The following FREM2 variants were observed in gnomAD, a reference collection of about 807,000 sequenced individuals.
FREM2 encodes the protein FRAS1-related extracellular matrix protein 2.
In FREM2, 119 loss-of-function variants were observed where a neutral mutation model predicts 219.9. The observed-to-expected ratio is 0.54, with a 90% CI of 0.47 to 0.63. The LOEUF (loss-of-function observed/expected upper bound fraction) is 0.63. FREM2 is among the 30% of genes least tolerant of loss of function. The pLI, the probability that FREM2 is intolerant of heterozygous loss-of-function variation, is 0.00. For synonymous variants in FREM2, 1,562 were observed against 1,522.8 expected (o/e 1.03, Z -0.60); for missense variants, 4,030 against 3,993.6 (o/e 1.01, Z -0.25).
intron 2 of FREM2, among the ~76,000 whole-genome samples, chr13:38,738,481 G>A (rs191845686): frequency 2.8e-5 from 4 of 144,432 alleles, no homozygotes; most frequent in Non-Finnish European, 4.5e-5. Flanking sequence ...CAGGAGAATC[G>A]CATGAACCTG....
At chr13:38,770,247 ACGGTCTTGCTATG>A (rs1484466481) in intron 4 of FREM2, among the ~76,000 whole-genome samples, 1 of 150,304 alleles carries the variant, frequency 6.7e-6, no homozygotes, top group Admixed American at 6.6e-5. Context: ...TTGTAAAGAC[ACGGTCTTGCTATG>A]CTGCCCAGGC....
intron 12 of FREM2, among the ~76,000 whole-genome samples, chr13:38,856,474 G>A (rs868492771): frequency 1.3e-5 from 2 of 152,122 alleles, no homozygotes; most frequent in Middle Eastern, 3.4e-3. Flanking sequence ...CATGTTTGTC[G>A]AAACTCAAGG....
chr13:38,871,476 A>G (rs897951859), intron 16 of FREM2, among the ~76,000 whole-genome samples: 1 of 152,106 alleles, frequency 6.6e-6, no homozygotes, highest in Non-Finnish European at 1.5e-5. Context: ...GTGCAGAGCT[A>G]TTTTGAGAAT....
chr13:38,778,112 C>A (rs1020935972), intron 4 of FREM2, among the ~76,000 whole-genome samples: 1 of 152,180 alleles, frequency 6.6e-6, no homozygotes, highest in African/African-American at 2.4e-5. Flanking sequence ...CATACATGGA[C>A]CACTTCTGAA....
rs568390166 is a variant in FREM2, at chr13:38,706,519, A to G, written c.5263+8732A>G. On this transcript the variant is annotated intron_variant, in intron 2 of 23. Coordinates refer to ENST00000280481, the MANE Select transcript of FREM2 (RefSeq NM_207361.6). The stretch of plus-strand genomic sequence containing the variant: ...GGCATTAAGGAACTTGAAATTCCTT[A>G]CTGGGGTCATTGGAAAATGAGTGTT... Among the ~76,000 whole-genome samples, 66 of 151,838 alleles carry G rather than the reference A, an allele frequency of 4.3e-4. 1 individual carries two copies. In the Middle Eastern group the frequency reaches 0.01, roughly 23 times the overall value.
At chr13:38,733,996 T>A (rs1871875784) in intron 2 of FREM2, among the ~76,000 whole-genome samples, 1 of 152,056 alleles carries the variant, frequency 6.6e-6, no homozygotes, top group South Asian at 2.1e-4. Flanking sequence ...AAACAAATAT[T>A]TAGAAAGCCC....
intron 2 of FREM2, among the ~76,000 whole-genome samples, chr13:38,704,251 T>C (rs987550286): frequency 6.6e-6 from 1 of 152,212 alleles, no homozygotes; most frequent in Non-Finnish European, 1.5e-5. Context: ...AGGTGTCCAT[T>C]GGGGTCTGAG....
chr13:38,687,165 C>A lies in FREM2; in HGVS notation c.-180C>A, dbSNP rs1869487756. On this transcript the variant is annotated 5_prime_UTR_variant, in exon 1 of 24. Coordinates refer to ENST00000280481, the MANE Select transcript of FREM2 (RefSeq NM_207361.6). The stretch of plus-strand genomic sequence containing the variant: ...GAAGGCTTCGGCTCCTCGGCTGCGG[C>A]TCCAGCCCGGACGGCGCCGCGCAAC... 1.2e-6 allele frequency: 1 copy of A among 829,572 alleles called. No homozygotes were observed. The highest frequency in any genetic ancestry group is 1.7e-5 in the South Asian group (1 of 57,486). The allele number at this position is 829,572 out of a possible 1,614,324, so 51.4% of individuals were successfully genotyped here. A position where few individuals can be genotyped will look rare whatever the true frequency, so the allele number is the denominator to read the frequency against.
chr13:38,750,427 T>C (rs1297802960), intron 2 of FREM2, among the ~76,000 whole-genome samples: 1 of 147,244 alleles, frequency 6.8e-6, no homozygotes, highest in Non-Finnish European at 1.5e-5. Flanking sequence ...CGACTTCCAG[T>C]ACCAACCATA....
chr13:38,777,541 C>T (rs970018918), intron 4 of FREM2, among the ~76,000 whole-genome samples: 2 of 152,090 alleles, frequency 1.3e-5, no homozygotes, highest in African/African-American at 4.8e-5. Flanking sequence ...TAATTCTTAC[C>T]TCAAAGGTTG....
intron 6 of FREM2, among the ~76,000 whole-genome samples, chr13:38,814,470 G>T (rs1189525742): frequency 6.6e-6 from 1 of 152,184 alleles, no homozygotes; most frequent in African/African-American, 2.4e-5. Context: ...ACAAGGCAGA[G>T]GCTCTTGTTC....
intron 2 of FREM2, among the ~76,000 whole-genome samples, chr13:38,731,728 G>A (rs529233213): frequency 2.8e-4 from 43 of 152,266 alleles, no homozygotes; most frequent in African/African-American, 1.0e-3. Context: ...TGAACAGACA[G>A]GCAGGCCTGT....
Position 38,880,360 on chromosome 13 carries a change from G to A in FREM2, c.9083G>A (p.Gly3028Asp), listed in dbSNP as rs1878495799. ...AAAGACAATGCCAATCGAGGTATTG[G>A]CAAAAGAAGTGTGGAGTACCATTCT... ...RSKDNANRGI[G>D]KRSVEYHSLV... The change falls in exon 24 of 24, where the codon GGC becomes GAC. Residue 3028 changes from glycine (G) to aspartate (D), a missense_variant. Around this residue, in one of 2 missense-constraint regions of FREM2, gnomAD observed 928 missense variants for 1,042.9 expected, o/e 0.89. Coordinates refer to ENST00000280481, the MANE Select transcript of FREM2 (RefSeq NM_207361.6). The A allele has an allele frequency of 6.2e-7, 1 of 1,613,942 alleles. No individual in the cohort carries two copies. Among genetic ancestry groups the A allele is most frequent in the African/African-American group, 1.3e-5 (1 of 74,892 alleles).
chr13:38,846,499 T>C (rs1277048065), intron 6 of FREM2, 74 bp from the exon 7 acceptor site: 9 of 1,495,136 alleles, frequency 6.0e-6, no homozygotes, highest in Non-Finnish European at 8.3e-6. Context: ...ACACTCTTCT[T>C]TGGAAGCATG....
chr13:38,818,976 T>G (rs1425461933), intron 6 of FREM2, among the ~76,000 whole-genome samples: 1 of 152,100 alleles, frequency 6.6e-6, no homozygotes, highest in African/African-American at 2.4e-5. Flanking sequence ...CTAACTACCC[T>G]TATTGTGTCA....
intron 6 of FREM2, among the ~76,000 whole-genome samples, chr13:38,824,563 A>G (rs1325050623): frequency 6.6e-6 from 1 of 152,044 alleles, no homozygotes; most frequent in Non-Finnish European, 1.5e-5. Flanking sequence ...TGAGGGAAAC[A>G]GTGGGAGTGG....
At position 38,872,911 on chromosome 13, in the gene FREM2, G is replaced by A. The variant is rs1451652002; in HGVS notation, c.8153G>A (p.Ser2718Asn). 6.2e-7 allele frequency: 1 copy of A among 1,613,816 alleles called. No homozygotes were observed. The part of the protein sequence containing the change: ...TAILWNDGIG[S>N]PPEAELQGSL... ...ATCTTGTGGAATGATGGAATTGGCA[G>A]CCCCCCAGAGGCTGAACTTCAAGGT... Residue 2718 changes from serine to asparagine, a missense_variant, in exon 17 of 24, where the codon AGC becomes AAC. Ser to Asn is a conservative substitution (Grantham distance 46). Around this residue, in one of 2 missense-constraint regions of FREM2, gnomAD observed 928 missense variants for 1,042.9 expected, o/e 0.89. Coordinates refer to ENST00000280481, the MANE Select transcript of FREM2 (RefSeq NM_207361.6).
At chr13:38,803,976 A>G (rs1209804244) in intron 6 of FREM2, among the ~76,000 whole-genome samples, 1 of 152,016 alleles carries the variant, frequency 6.6e-6, no homozygotes, top group Non-Finnish European at 1.5e-5. Context: ...CCTAATCACC[A>G]TCTGTTTTTG....
chr13:38,779,527 TG>T (rs1166603142), intron 4 of FREM2: 1 of 151,998 alleles, frequency 6.6e-6, no homozygotes, highest in Non-Finnish European at 1.5e-5. Flanking sequence ...GCTGCCTGAG[TG>T]ATGGTGAGGA....
Sources: allele counts gnomAD v4.1 joint callset (sites outside exome capture counted in the v4.1 genomes callset), GRCh38; gene constraint gnomAD v4.1.1; regional missense constraint gnomAD v4.1.1; transcripts MANE v1.5; gene names NCBI Gene and HGNC (gene_info 2026-07-23, HGNC 2026-07-21).